ZEB1: variants seen among roughly 807,000 people sequenced by gnomAD.
ZEB1 encodes zinc finger E-box-binding homeobox 1.
Under a neutral mutation model 84.9 loss-of-function variants are expected in ZEB1, and 21 were observed. The ratio of observed to expected loss-of-function variants is 0.25; its 90% confidence interval spans 0.18 to 0.36. The LOEUF is 0.36. Ranked by LOEUF, ZEB1 falls within the 10% of genes least tolerant of loss-of-function variation. The pLI, the probability that ZEB1 is intolerant of heterozygous loss-of-function variation, is 1.00. For synonymous variants in ZEB1, 420 were observed against 471.1 expected (o/e 0.89, Z 1.41); for missense variants, 1,104 against 1,330.2 (o/e 0.83, Z 2.65).
At chr10:31,329,288 G>A (rs2036255234) in intron 1 of ZEB1, among the ~76,000 whole-genome samples, 1 of 152,060 alleles carries the variant, frequency 6.6e-6, no homozygotes, top group Non-Finnish European at 1.5e-5. Context: ...CATGCAGTAT[G>A]TCCTTTCTGT....
At chr10:31,407,227 C>T (rs888608824) in intron 1 of ZEB1, among the ~76,000 whole-genome samples, 16 of 145,718 alleles carry the variant, frequency 1.1e-4, no homozygotes, top group African/African-American at 4.1e-4. Flanking sequence ...GTATATCTCC[C>T]AATGCTATCC....
intron 1 of ZEB1, among the ~76,000 whole-genome samples, chr10:31,447,659 C>G (rs1259514875): frequency 6.8e-6 from 1 of 148,022 alleles, no homozygotes; most frequent in Non-Finnish European, 1.5e-5. Flanking sequence ...GATTTTATTT[C>G]TCCTTCACTT....
At position 31,521,866 on chromosome 10, in the gene ZEB1, CCTA is replaced by C; in HGVS notation, c.2537_2539del (p.Tyr846del). On this transcript the variant is annotated inframe_deletion, in exon 7 of 9. Transcript: ENST00000424869. ...ATTCTGATTCCCCAGGTGGCATACA[CCTA>C]CTCAACTACGGTCAGCCCTGCAGTC... 3 of 1,614,010 alleles carry C rather than the reference CCTA, an allele frequency of 1.9e-6. No homozygotes were observed. The highest frequency in any genetic ancestry group is 2.5e-6 in the Non-Finnish European group (3 of 1,179,968).
intron 1 of ZEB1, among the ~76,000 whole-genome samples, chr10:31,407,113 A>C (rs2053234191): frequency 6.6e-6 from 1 of 151,432 alleles, no homozygotes; most frequent in Non-Finnish European, 1.5e-5. Flanking sequence ...TTATTATTAT[A>C]CCTTAAGTTT....
intron 3 of ZEB1, among the ~76,000 whole-genome samples, chr10:31,499,527 G>T (rs1378250370): frequency 1.3e-5 from 2 of 151,772 alleles, no homozygotes; most frequent in African/African-American, 4.8e-5. Context: ...TTCGTTTTTT[G>T]AACTCAGTGT....
chr10:31,401,064 T>C (rs1564726562), intron 1 of ZEB1, among the ~76,000 whole-genome samples: 1 of 152,150 alleles, frequency 6.6e-6, no homozygotes, highest in Non-Finnish European at 1.5e-5. Context: ...TTATTAATAA[T>C]ATGGTAGGTG....
intron 1 of ZEB1, among the ~76,000 whole-genome samples, chr10:31,386,411 C>T (rs1323646411): frequency 2.6e-5 from 4 of 151,806 alleles, no homozygotes; most frequent in Non-Finnish European, 5.9e-5. Flanking sequence ...TCAAACTCCT[C>T]AGAACATTTG....
At chr10:31,440,501 CAG>C (rs200414314) in intron 1 of ZEB1, among the ~76,000 whole-genome samples, 2,299 of 152,238 alleles carry the variant, frequency 0.015, 43 homozygotes, top group African/African-American at 0.052. Flanking sequence ...TGGCGCAAGA[CAG>C]GGGTGCCCTT....
chr10:31,340,364 GT>G (rs2039116426), intron 1 of ZEB1, among the ~76,000 whole-genome samples: 1 of 152,010 alleles, frequency 6.6e-6, no homozygotes, highest in Non-Finnish European at 1.5e-5. Flanking sequence ...CATTTAGAGG[GT>G]AAACTCTAGC....
chr10:31,363,207 C>G, intron 1 of ZEB1: 1 of 1,534,054 alleles, frequency 6.5e-7, no homozygotes, highest in Non-Finnish European at 8.7e-7. Flanking sequence ...GGTCTTCACC[C>G]AGCACCTTCA....
rs1194021562 is a variant in ZEB1 at position 31,320,039 on chromosome 10, T to A, written c.58+747T>A. 3 of 151,090 alleles carry A rather than the reference T, an allele frequency of 2.0e-5. No homozygotes were observed. The East Asian group carries it at 5.9e-4, about 30-fold the overall frequency. 9.4% of individuals were successfully genotyped at this position (151,090 alleles called of 1,614,324 possible). On this transcript the variant is annotated intron_variant, in intron 1 of 8. Transcript: ENST00000424869. The stretch of plus-strand genomic sequence containing the variant: ...GACCCGCGGGCCGGGCGCGCTCGCG[T>A]AACGGGGATTAGAGGCGCGGGGGCG...
At chr10:31,499,283 G>T (rs1432368856) in intron 3 of ZEB1, among the ~76,000 whole-genome samples, 1 of 151,978 alleles carries the variant, frequency 6.6e-6, no homozygotes, top group South Asian at 2.1e-4. Flanking sequence ...CAGTCACTTT[G>T]TTTAATGTAT....
chr10:31,466,859 A>G (rs1320382727), intron 2 of ZEB1, among the ~76,000 whole-genome samples: 1 of 152,232 alleles, frequency 6.6e-6, no homozygotes, highest in Non-Finnish European at 1.5e-5. Context: ...ACATTTAGCT[A>G]GAATTTAAAA....
chr10:31,467,738 A>T (rs2062620854), intron 2 of ZEB1, among the ~76,000 whole-genome samples: 1 of 152,114 alleles, frequency 6.6e-6, no homozygotes, highest in African/African-American at 2.4e-5. Context: ...AGGAACCCCC[A>T]CTGTCAGAAC....
intron 6 of ZEB1, among the ~76,000 whole-genome samples, chr10:31,515,602 C>T (rs2070935625): frequency 6.6e-6 from 1 of 151,990 alleles, no homozygotes; most frequent in African/African-American, 2.4e-5. Flanking sequence ...CTTTGTGAAG[C>T]ATAGTTGATG....
Position 31,520,402 on chromosome 10 carries a change from AACCC to A in ZEB1, c.1072_1075del (p.Pro358Ter). 6.2e-7 allele frequency: 1 copy of A among 1,613,982 alleles called. No homozygotes were observed. The highest frequency in any genetic ancestry group is 8.5e-7 in the Non-Finnish European group (1 of 1,179,956). Reference sequence around the variant, plus strand: ...ACTGAACCTGTGGATTATGAATTCAAACCCATAGTGGTTGCTTCAGGAATCAACT... The same window carrying A: ...ACTGAACCTGTGGATTATGAATTCAAATAGTGGTTGCTTCAGGAATCAACT... On this transcript the variant is annotated frameshift_variant, in exon 7 of 9. Coordinates refer to ENST00000424869, the MANE Select transcript of ZEB1 (RefSeq NM_001174096.2). LOFTEE classifies it high-confidence loss of function. This position sits in a 1 kb window ranked among gnomAD's most constrained non-coding sequence, Gnocchi z 5.1.
At chr10:31,445,527 A>G (rs1176358230) in intron 1 of ZEB1, among the ~76,000 whole-genome samples, 1 of 151,712 alleles carries the variant, frequency 6.6e-6, no homozygotes, top group Non-Finnish European at 1.5e-5. Flanking sequence ...GTTTTTGCCC[A>G]TTCAGTATGA....
rs186215861 is a variant in ZEB1, at chr10:31,404,242, T to G, written c.59-56795T>G. Among the ~76,000 whole-genome samples, 7 of 151,966 alleles carry G rather than the reference T, an allele frequency of 4.6e-5. No homozygotes were observed. The East Asian group carries it at 1.4e-3, about 29-fold the overall frequency. ...GCCGTTTTTTTTTTAACTCTTAAAG[T>G]CTGTGCTCTATTACAGTGATTCTTT... is the stretch of plus-strand genomic sequence containing the variant. On this transcript the variant is annotated intron_variant, in intron 1 of 8. Transcript: ENST00000424869.
At chr10:31,479,392 C>T (rs765116299) in intron 2 of ZEB1, among the ~76,000 whole-genome samples, 1 of 151,912 alleles carries the variant, frequency 6.6e-6, no homozygotes, top group East Asian at 1.9e-4. Context: ...GGAATACTGC[C>T]AAAGTCATTC....
Sources: gnomAD v4.1 joint callset for allele counts (sites outside exome capture counted in the v4.1 genomes callset) on GRCh38, gnomAD v4.1.1 for gene constraint, Gnocchi (gnomAD v3.1) non-coding constraint, MANE v1.5 for transcripts, NCBI Gene and HGNC (gene_info 2026-07-23, HGNC 2026-07-21) for gene names.